CD96: variants seen among roughly 807,000 people sequenced by gnomAD.
CD96 encodes the protein CD96 molecule, also known as T-cell surface protein tactile.
In CD96, 70 loss-of-function variants were observed where a neutral mutation model predicts 71.3. The ratio of observed to expected loss-of-function variants is 0.98; its 90% CI spans 0.81 to 1.20. CD96 has a LOEUF of 1.20. Among genes scored for constraint, CD96 ranks in the 50% most tolerant of loss-of-function variants. The probability of loss-of-function intolerance (pLI) is 0.00; values close to 1 mark genes in which losing one functional copy is unlikely to be tolerated. For missense variants in CD96, 742 were observed against 677.5 expected, an observed-to-expected ratio of 1.10 and a Z score of -1.06; for synonymous variants, 248 against 233.0, an observed-to-expected ratio of 1.06 and a Z score of -0.59.
In CD96 at chr3:111,585,497, T is replaced by C; in HGVS notation, c.807+119T>C. On this transcript the variant is annotated intron_variant, in intron 5 of 13. Coordinates refer to ENST00000352690, the MANE Select transcript of CD96 (RefSeq NM_005816.5). Reference sequence around the variant, plus strand: ...ACTCCTTGGCCCTTGACCAATTAACTGCTAATAGGGATGAAGGGAAGCTGG... The same window carrying C: ...ACTCCTTGGCCCTTGACCAATTAACCGCTAATAGGGATGAAGGGAAGCTGG... 3 of 701,196 alleles carry C rather than the reference T, an allele frequency of 4.3e-6. No homozygotes were observed. The South Asian group carries it at 4.4e-5, about 10-fold the overall frequency. The allele number at this position is 701,196 out of a possible 1,614,324, so 43.4% of individuals were successfully genotyped here.
intron 5 of CD96, among the ~76,000 whole-genome samples, chr3:111,588,503 C>T (rs1435138417): frequency 1.3e-5 from 2 of 152,210 alleles, no homozygotes; most frequent in Admixed American, 6.5e-5. Flanking sequence ...CTGTTCCAAC[C>T]TCTGCCTGTT....
intron 10 of CD96, among the ~76,000 whole-genome samples, chr3:111,626,747 A>G (rs959172572): frequency 3.3e-5 from 5 of 152,350 alleles, no homozygotes; most frequent in African/African-American, 1.2e-4. Context: ...TTAAAGAGCA[A>G]TGAAAAACAA....
Position 111,579,032 on chromosome 3 carries a change from T to C in CD96, c.549T>C (p.Asp183=). ...SEFTYAWSVE[D]NGTQETLISQ... ...GTAACAATTTTTCTCACCAGGAGGATAATGGAACTCAGGAAACACTTATCT... is the reference window on the plus strand; with the variant it reads ...GTAACAATTTTTCTCACCAGGAGGACAATGGAACTCAGGAAACACTTATCT... The change falls in exon 4 of 14, where the codon GAT becomes GAC. Residue 183 remains aspartate (D), a synonymous_variant. Coordinates refer to ENST00000352690, the MANE Select transcript of CD96 (RefSeq NM_005816.5). 6.3e-7 allele frequency: 1 copy of C among 1,581,388 alleles called. No individual in the cohort carries two copies. Among genetic ancestry groups the C allele is most frequent in the Non-Finnish European group, 8.7e-7 (1 of 1,150,312 alleles).
rs1352675574 is a variant in CD96 at position 111,564,257 on chromosome 3, C to A, written c.419-3266C>A. 2.0e-5 allele frequency among the ~76,000 whole-genome samples: 3 copies of A among 151,650 alleles called. No individual in the cohort carries two copies. The East Asian group carries it at 5.8e-4, about 29-fold the overall frequency. On this transcript the variant is annotated intron_variant, in intron 2 of 13. Coordinates refer to ENST00000352690, the MANE Select transcript of CD96 (RefSeq NM_005816.5). ...TGCTTTCATCTTTTTTCTTTAATGTCTTTTATTGTACATATATTTTTATCT... is the reference window on the plus strand; with the variant it reads ...TGCTTTCATCTTTTTTCTTTAATGTATTTTATTGTACATATATTTTTATCT...
chr3:111,591,354 A>C (rs990130286), intron 5 of CD96, among the ~76,000 whole-genome samples: 1 of 138,694 alleles, frequency 7.2e-6, no homozygotes, highest in Non-Finnish European at 1.5e-5. Context: ...GCCTGGCAAG[A>C]GAGTGAGACT....
chr3:111,607,429 A>G (rs1187086118), intron 8 of CD96, among the ~76,000 whole-genome samples: 1 of 152,178 alleles, frequency 6.6e-6, no homozygotes, highest in Non-Finnish European at 1.5e-5. Flanking sequence ...CAGCAATGCT[A>G]TGGCAAAGGA....
intron 5 of CD96, chr3:111,593,418 G>A (rs537798430): frequency 2.1e-4 from 240 of 1,168,798 alleles, no homozygotes; most frequent in South Asian, 4.1e-4. Context: ...AACTCATACT[G>A]TGCACTATTT....
In CD96 at chr3:111,605,749, A is replaced by G. The variant is rs1207221394; in HGVS notation, c.1088-951A>G. Among the ~76,000 whole-genome samples the G allele has an allele frequency of 2.0e-5, 3 of 152,284 alleles. No homozygotes were observed. The East Asian group carries it at 5.8e-4, about 29-fold the overall frequency. ...TAGCTTAGAAAAACCAATTCCTCCC[A>G]CGGGGCTATGTGCTATCAAGTGACA... On this transcript the variant is annotated intron_variant, in intron 7 of 13. Coordinates refer to ENST00000352690, the MANE Select transcript of CD96 (RefSeq NM_005816.5).
chr3:111,648,560 C>T (rs750936818), intron 13 of CD96, among the ~76,000 whole-genome samples: 3 of 152,098 alleles, frequency 2.0e-5, no homozygotes, highest in South Asian at 2.1e-4. Context: ...GTGCATGTTT[C>T]GTAGAATTAC....
At chr3:111,556,639 A>G (rs1385852821) in intron 2 of CD96, among the ~76,000 whole-genome samples, 1 of 130,590 alleles carries the variant, frequency 7.7e-6, no homozygotes, top group East Asian at 2.2e-4. Flanking sequence ...AGTCTTTGCT[A>G]TTGTGAATAA....
At chr3:111,617,929 C>T (rs1480264955) in intron 8 of CD96, among the ~76,000 whole-genome samples, 3 of 152,250 alleles carry the variant, frequency 2.0e-5, no homozygotes, top group African/African-American at 2.4e-5. Flanking sequence ...TCTACAGTTC[C>T]TGGCATCTCC....
chr3:111,577,943 G>A (rs1198971682), intron 3 of CD96, among the ~76,000 whole-genome samples: 4 of 152,128 alleles, frequency 2.6e-5, no homozygotes, highest in African/African-American at 9.7e-5. Context: ...GGATTCATCT[G>A]TTGTTTAGAG....
intron 2 of CD96, among the ~76,000 whole-genome samples, chr3:111,552,316 T>C (rs1407348469): frequency 2.6e-5 from 4 of 152,058 alleles, no homozygotes; most frequent in Non-Finnish European, 5.9e-5. Context: ...TCTTCTGCCA[T>C]GTGGGGAGCA....
chr3:111,575,481 C>T (rs1936180810), intron 3 of CD96, among the ~76,000 whole-genome samples: 1 of 152,220 alleles, frequency 6.6e-6, no homozygotes, highest in African/African-American at 2.4e-5. Flanking sequence ...ATTTTCCAAT[C>T]AACTTGTTGT....
At chr3:111,550,581 C>T (rs1934649673) in intron 2 of CD96, among the ~76,000 whole-genome samples, 1 of 151,330 alleles carries the variant, frequency 6.6e-6, no homozygotes, top group Non-Finnish European at 1.5e-5. Context: ...AGTAGGACTA[C>T]CCCGATATTG....
At chr3:111,562,035 C>T (rs1935459667) in intron 2 of CD96, among the ~76,000 whole-genome samples, 1 of 152,220 alleles carries the variant, frequency 6.6e-6, no homozygotes, top group South Asian at 2.1e-4. Context: ...CTTGCACTTC[C>T]CAGGTGAGGC....
At chr3:111,587,468 G>C (rs1389498050) in intron 5 of CD96, among the ~76,000 whole-genome samples, 1 of 151,692 alleles carries the variant, frequency 6.6e-6, no homozygotes, top group Non-Finnish European at 1.5e-5. Flanking sequence ...ATGGTCTGAT[G>C]ATGAGTTTCT....
chr3:111,614,570 T>A (rs1299645162), intron 8 of CD96, among the ~76,000 whole-genome samples: 1 of 152,162 alleles, frequency 6.6e-6, no homozygotes, highest in Admixed American at 6.5e-5. Flanking sequence ...CTTCTGAAGG[T>A]CAGCTCCTCT....
At chr3:111,577,000 A>G (rs557544278) in intron 3 of CD96, among the ~76,000 whole-genome samples, 110 of 152,274 alleles carry the variant, frequency 7.2e-4, no homozygotes, top group Middle Eastern at 3.4e-3. Flanking sequence ...ACTGAATCCC[A>G]TCTTTCCTAA....
Sources: allele counts gnomAD v4.1 joint callset (sites outside exome capture counted in the v4.1 genomes callset), GRCh38; gene constraint gnomAD v4.1.1; transcripts MANE v1.5; gene names NCBI Gene and HGNC (gene_info 2026-07-23, HGNC 2026-07-21).